OGDH: variants seen among roughly 807,000 people sequenced by gnomAD.
OGDH encodes 2-oxoglutarate dehydrogenase complex component E1.
In OGDH, 38 loss-of-function variants were observed where a neutral mutation model predicts 116.6. The ratio of observed to expected loss-of-function variants is 0.33; its 90% confidence interval spans 0.25 to 0.43. The LOEUF (loss-of-function observed/expected upper bound fraction) is 0.43, where lower values mean the gene tolerates loss of function less well. Ranked by LOEUF, OGDH falls within the 20% of genes least tolerant of loss-of-function variation. OGDH has a pLI of 1.00. For missense variants in OGDH, 825 were observed against 1,357.2 expected (o/e 0.61, Z 6.16); for synonymous variants, 488 against 533.3 (o/e 0.92, Z 1.17).
At chr7:44,687,268 T>C (rs1788174220) in intron 10 of OGDH, among the ~76,000 whole-genome samples, 2 of 151,478 alleles carry the variant, frequency 1.3e-5, no homozygotes, top group South Asian at 2.1e-4. Flanking sequence ...TGGCTGATTT[T>C]TGTATTTTTA....
Position 44,677,323 on chromosome 7 carries a change from G to A in OGDH, c.1206+1174G>A, listed in dbSNP as rs149383270. Among the ~76,000 whole-genome samples, 315 of 152,308 alleles carry A rather than the reference G, an allele frequency of 2.1e-3. 1 individual carries two copies. Among genetic ancestry groups the A allele is most frequent in the African/African-American group, 7.3e-3 (303 of 41,554 alleles). On this transcript the variant is annotated intron_variant, in intron 9 of 22. Transcript: ENST00000222673. Reference sequence around the variant, plus strand: ...ATGATAGGAAACTGGAGTTAGCCGTGAAGAGCTTTGGAAGAGGTGTGCAGG... The same window carrying A: ...ATGATAGGAAACTGGAGTTAGCCGTAAAGAGCTTTGGAAGAGGTGTGCAGG...
At position 44,629,785 on chromosome 7, in the gene OGDH, G is replaced by A. The variant is rs1362584226; in HGVS notation, c.222+5220G>A. On this transcript the variant is annotated intron_variant, in intron 2 of 22. Coordinates refer to ENST00000222673, the MANE Select transcript of OGDH (RefSeq NM_002541.4). ...AATAAAGACGGGGTTTCACCATGTT[G>A]GCCAGGCTGGTCTTGAACTCCCGAC... Among the ~76,000 whole-genome samples, 11 of 152,066 alleles carry A rather than the reference G, an allele frequency of 7.2e-5. No individual in the cohort carries two copies. The East Asian group carries it at 2.1e-3, about 29-fold the overall frequency.
At chr7:44,668,687 G>A (rs569406934) in intron 5 of OGDH, among the ~76,000 whole-genome samples, 110 of 152,254 alleles carry the variant, frequency 7.2e-4, no homozygotes, top group Middle Eastern at 6.8e-3. Flanking sequence ...GGTCCTTCCT[G>A]TCACCTTTAT....
At chr7:44,657,452 TAG>T (rs1365199655) in intron 4 of OGDH, among the ~76,000 whole-genome samples, 1 of 152,256 alleles carries the variant, frequency 6.6e-6, no homozygotes, top group Non-Finnish European at 1.5e-5. Context: ...TATTGCTGAG[TAG>T]TATTCCATGG....
At chr7:44,642,569 A>G (rs573922651) in intron 2 of OGDH, among the ~76,000 whole-genome samples, 4 of 152,354 alleles carry the variant, frequency 2.6e-5, no homozygotes, top group East Asian at 1.9e-4. Flanking sequence ...ACATCAGACA[A>G]TACACCAGAA....
chr7:44,640,432 A>G (rs1302956414), intron 2 of OGDH, among the ~76,000 whole-genome samples: 1 of 151,982 alleles, frequency 6.6e-6, no homozygotes, highest in African/African-American at 2.4e-5. Flanking sequence ...CCCTGCTGCT[A>G]TTGGTGGGTT....
rs921261392 is a variant in OGDH, at chr7:44,676,620, A to G, written c.1206+471A>G. 650 of 153,898 alleles carry G rather than the reference A, an allele frequency of 4.2e-3. 4 individuals are homozygous for G. Among genetic ancestry groups the G allele is most frequent in the Middle Eastern group, 9.9e-3 (3 of 302 alleles). 9.5% of individuals were successfully genotyped at this position (153,898 alleles called of 1,614,324 possible). On this transcript the variant is annotated intron_variant, in intron 9 of 22. Transcript: ENST00000222673. ...TATGTATGTGTGTGTGTGTGTATAT[A>G]TATATATATATATATATATATTTAA...
intron 5 of OGDH, 44 bp from the exon 6 acceptor site, chr7:44,673,743 C>T (rs750409135): frequency 4.4e-6 from 7 of 1,604,702 alleles, no homozygotes; most frequent in Non-Finnish European, 6.0e-6. Context: ...TTCAGCCAGG[C>T]CTGGTTAGAA....
chr7:44,695,302 G>T (rs994806109), intron 12 of OGDH, among the ~76,000 whole-genome samples: 16 of 152,042 alleles, frequency 1.1e-4, no homozygotes, highest in Non-Finnish European at 1.8e-4. Flanking sequence ...CCCCGTGTTG[G>T]CCAGGCTGGT....
At chr7:44,614,818 C>T (rs1331045626) in intron 1 of OGDH, among the ~76,000 whole-genome samples, 2 of 149,964 alleles carry the variant, frequency 1.3e-5, no homozygotes, top group Non-Finnish European at 3.0e-5. Context: ...TTGAAATTAT[C>T]CCGGTTCTTT....
At chr7:44,621,097 A>G (rs1436572976) in intron 1 of OGDH, among the ~76,000 whole-genome samples, 2 of 152,172 alleles carry the variant, frequency 1.3e-5, no homozygotes, top group African/African-American at 4.8e-5. Context: ...TTTTAGAGAT[A>G]GGGTCTCGCT....
At chr7:44,626,589 T>TTGTG (rs942068755) in intron 2 of OGDH, among the ~76,000 whole-genome samples, 2 of 152,176 alleles carry the variant, frequency 1.3e-5, no homozygotes, top group Non-Finnish European at 2.9e-5. Flanking sequence ...CTGCATGTCC[T>TTGTG]TGTGAAGGTT....
intron 9 of OGDH, among the ~76,000 whole-genome samples, chr7:44,678,912 C>CAT (rs1421001758): frequency 6.6e-6 from 1 of 152,222 alleles, no homozygotes; most frequent in African/African-American, 2.4e-5. Flanking sequence ...TAACCTCATG[C>CAT]ATGATTGTGA....
chr7:44,691,981 TAAAAAAAAAAAA>T (rs371665967), intron 10 of OGDH, among the ~76,000 whole-genome samples: 1 of 102,636 alleles, frequency 9.7e-6, no homozygotes, highest in South Asian at 3.4e-4. Context: ...GACTCTGTCT[TAAAAAAAAAAAA>T]AAAAAAAAAA....
intron 4 of OGDH, among the ~76,000 whole-genome samples, chr7:44,655,477 C>G (rs1053484985): frequency 3.3e-5 from 5 of 152,144 alleles, no homozygotes; most frequent in Non-Finnish European, 7.4e-5. Context: ...AAAGGAAGCA[C>G]TTGCTGGCCT....
Position 44,675,135 on chromosome 7 carries a change from A to G in OGDH, c.936-43A>G, listed in dbSNP as rs1331454418. The G allele has an allele frequency of 2.2e-5, 34 of 1,529,974 alleles. 1 individual carries two copies. In the East Asian group the frequency reaches 4.3e-4, roughly 19 times the overall value. The allele number at this position is 1,529,974 out of a possible 1,614,324, so 94.8% of individuals were successfully genotyped here. ...CACCCTCATCTGCCATCTGGAAACC[A>G]TGACCTCAGGCTCTGCTCACCCTAC... On this transcript the variant is annotated intron_variant, in intron 7 of 22. Transcript: ENST00000222673.
chr7:44,674,579 A>G (rs758974222), intron 7 of OGDH, 22 bp downstream of exon 7: 23 of 1,613,164 alleles, frequency 1.4e-5, no homozygotes, highest in Admixed American at 3.3e-5. Flanking sequence ...GGCGCGCCCA[A>G]CCTGGTTTCT....
At chr7:44,676,658 A>T (rs1787717183) in intron 9 of OGDH, 1 of 292,340 alleles carries the variant, frequency 3.4e-6, no homozygotes, top group Non-Finnish European at 5.1e-6. Context: ...TCAACTTTTA[A>T]AGAATAGCAA....
intron 1 of OGDH, among the ~76,000 whole-genome samples, chr7:44,613,539 T>G (rs917019471): frequency 6.6e-6 from 1 of 151,588 alleles, no homozygotes; most frequent in African/African-American, 2.4e-5. Flanking sequence ...TTTTGTATTT[T>G]TAGTAGAGAT....
Sources: allele counts gnomAD v4.1 joint callset (sites outside exome capture counted in the v4.1 genomes callset), GRCh38; gene constraint gnomAD v4.1.1; transcripts MANE v1.5; gene names NCBI Gene and HGNC (gene_info 2026-07-23, HGNC 2026-07-21).